The following PTK7 variants were observed in gnomAD, a reference collection of about 807,000 sequenced individuals.
PTK7 encodes the protein protein tyrosine kinase 7 (inactive), also known as inactive tyrosine-protein kinase 7.
In PTK7, 39 loss-of-function variants were observed where a neutral mutation model predicts 116.6. The ratio of observed to expected loss-of-function variants is 0.33; its 90% CI spans 0.26 to 0.44. The LOEUF is 0.44. Among genes scored for constraint, PTK7 ranks in the 20% least tolerant of loss-of-function variants. PTK7 has a pLI of 1.00. For missense variants in PTK7, 1,169 were observed against 1,425.6 expected, an observed-to-expected ratio of 0.82 and a Z score of 2.90; for synonymous variants, 546 against 563.6, an observed-to-expected ratio of 0.97 and a Z score of 0.44.
chr6:43,092,235 G>T (rs1174001555), intron 1 of PTK7, among the ~76,000 whole-genome samples: 1 of 151,804 alleles, frequency 6.6e-6, no homozygotes, highest in Non-Finnish European at 1.5e-5. Flanking sequence ...ATGCAGTGGT[G>T]CAATCATGGC....
In PTK7 at chr6:43,076,510, C is replaced by T. The variant is rs764431504; in HGVS notation, c.22C>T (p.Pro8Ser). 1 of 1,573,192 alleles carries T rather than the reference C, an allele frequency of 6.4e-7. No individual in the cohort carries two copies. Among genetic ancestry groups the T allele is most frequent in the East Asian group, 2.6e-5 (1 of 39,116 alleles). Residue 8 changes from proline (P) to serine (S), a missense_variant, in exon 1 of 20, where the codon CCG (proline) becomes TCG (serine). Transcript: ENST00000230419. This position sits in a 1 kb window ranked among gnomAD's most constrained non-coding sequence, Gnocchi z 5.7. Reference protein sequence around the residue: MGAARGSPARPRRLPLLS... With the variant: MGAARGSSARPRRLPLLS... ...CGCGATGGGAGCTGCGCGGGGATCC[C>T]CGGCCAGACCCCGCCGGTTGCCTCT... is the stretch of plus-strand genomic sequence containing the variant.
Position 43,076,421 on chromosome 6 carries a change from T to A in PTK7, c.-68T>A. 7.5e-7 allele frequency: 1 copy of A among 1,331,432 alleles called. No homozygotes were observed. Among genetic ancestry groups the A allele is most frequent in the Non-Finnish European group, 9.9e-7 (1 of 1,014,504 alleles). The allele number at this position is 1,331,432 out of a possible 1,614,324, so 82.5% of individuals were successfully genotyped here. Reference sequence around the variant, plus strand: ...GCGCTCCGGTGCGCTCCGCCTCCTGTGCCCGCCGCGGAGCGCAGTCTGCGC... The same window carrying A: ...GCGCTCCGGTGCGCTCCGCCTCCTGAGCCCGCCGCGGAGCGCAGTCTGCGC... On this transcript the variant is annotated 5_prime_UTR_variant, in exon 1 of 20. Transcript: ENST00000230419. This position sits in a 1 kb window ranked among gnomAD's most constrained non-coding sequence, Gnocchi z 5.7.
At chr6:43,123,419 T>G (rs1210008168) in intron 1 of PTK7, among the ~76,000 whole-genome samples, 1 of 152,198 alleles carries the variant, frequency 6.6e-6, no homozygotes, top group African/African-American at 2.4e-5. Context: ...ATCCTTGGAT[T>G]GAAGCAGCCA....
At position 43,129,035 on chromosome 6, in the gene PTK7, G is replaced by A; in HGVS notation, c.138G>A (p.Gly46=). ...CGTCCTCCCAGGATGCACTGCAGGG[G>A]CGCCGGGCGCTGCTTCGCTGTGAGG... ...KQPSSQDALQ[G]RRALLRCEVE... Residue 46 remains glycine, a synonymous_variant, in exon 2 of 20, where the codon GGG becomes GGA. Coordinates refer to ENST00000230419, the MANE Select transcript of PTK7 (RefSeq NM_002821.5). The surrounding 1 kb of genome is among the most constrained non-coding windows in gnomAD (Gnocchi z 4.5). 6.2e-7 allele frequency: 1 copy of A among 1,614,126 alleles called. No homozygotes were observed. Among genetic ancestry groups the A allele is most frequent in the Non-Finnish European group, 8.5e-7 (1 of 1,179,992 alleles).
Position 43,139,152 on chromosome 6 carries a change from T to C in PTK7, c.1379T>C (p.Val460Ala), listed in dbSNP as rs748370020. 2.5e-6 allele frequency: 4 copies of C among 1,614,108 alleles called. No individual in the cohort carries two copies. The South Asian group carries it at 4.4e-5, about 18-fold the overall frequency. The change falls in exon 9 of 20, where the codon GTC (valine) becomes GCC (alanine). Residue 460 changes from valine (V) to alanine (A), a missense_variant. Coordinates refer to ENST00000230419, the MANE Select transcript of PTK7 (RefSeq NM_002821.5). The surrounding 1 kb of genome is among the most constrained non-coding windows in gnomAD (Gnocchi z 4.6). ...GTGCTGCAGGACTCACGGTTCGAGG[T>C]CTTCAAGAATGGGACCTTGCGCATC... is the stretch of plus-strand genomic sequence containing the variant. The part of the protein sequence containing the change: ...MLISEDSRFE[V>A]FKNGTLRINS...
chr6:43,138,265 C>A, intron 7 of PTK7, among the ~76,000 whole-genome samples: 1 of 152,106 alleles, frequency 6.6e-6, no homozygotes. Context: ...CCCGCCTCGG[C>A]CTCCCAAAGT....
intron 14 of PTK7, 157 bp from the exon 15 acceptor site, chr6:43,144,294 G>A: frequency 1.2e-6 from 1 of 808,940 alleles, no homozygotes; most frequent in Non-Finnish European, 2.0e-6. Flanking sequence ...CCCAGCCCCA[G>A]CCCCATTATT....
In PTK7 at chr6:43,138,914, G is replaced by A. The variant is rs1770210754; in HGVS notation, c.1294G>A (p.Asp432Asn). Reference protein sequence around the residue: ...QLEEGKPGYLDCLTQATPKPT... With the variant: ...QLEEGKPGYLNCLTQATPKPT... ...GGAGGAGGGCAAACCCGGCTACTTG[G>A]ATTGCCTGACCCAGGCCACACCAAA... is the stretch of plus-strand genomic sequence containing the variant. Residue 432 changes from aspartate (D) to asparagine (N), a missense_variant, in exon 8 of 20, where the codon GAT becomes AAT. By Grantham distance (23) the Asp-to-Asn change is conservative. Coordinates refer to ENST00000230419, the MANE Select transcript of PTK7 (RefSeq NM_002821.5). The A allele has an allele frequency of 1.2e-6, 2 of 1,614,190 alleles. No individual in the cohort carries two copies. Among genetic ancestry groups the A allele is most frequent in the Non-Finnish European group, 1.7e-6 (2 of 1,180,026 alleles).
rs199755737 is a variant in PTK7 at position 43,116,573 on chromosome 6, T to C, written c.80-12404T>C. 6.2e-4 allele frequency among the ~76,000 whole-genome samples: 93 copies of C among 150,120 alleles called. 1 individual carries two copies. In the East Asian group the frequency reaches 0.016, roughly 26 times the overall value. On this transcript the variant is annotated intron_variant, in intron 1 of 19. Coordinates refer to ENST00000230419, the MANE Select transcript of PTK7 (RefSeq NM_002821.5). ...CCTCTAGTGAATTTTTGGGCTTGAG[T>C]GGAGGAGGAAGAAGGCCAGGAAAAG...
chr6:43,121,875 C>T (rs943524522), intron 1 of PTK7, among the ~76,000 whole-genome samples: 15 of 152,208 alleles, frequency 9.9e-5, no homozygotes, highest in African/African-American at 3.4e-4. Flanking sequence ...CATGGTGGCT[C>T]ATGCCTGTAA....
chr6:43,111,266 C>T (rs1768181095), intron 1 of PTK7, among the ~76,000 whole-genome samples: 1 of 152,190 alleles, frequency 6.6e-6, no homozygotes, highest in African/African-American at 2.4e-5. Context: ...AGGGTGGCAC[C>T]TCTTGAACTG....
intron 1 of PTK7, among the ~76,000 whole-genome samples, chr6:43,110,267 G>A (rs1351133955): frequency 1.3e-5 from 2 of 152,064 alleles, no homozygotes; most frequent in Non-Finnish European, 2.9e-5. Flanking sequence ...TGGGATTACA[G>A]GTGTAAGCCA....
chr6:43,113,440 A>G (rs1768305214), intron 1 of PTK7, among the ~76,000 whole-genome samples: 1 of 152,130 alleles, frequency 6.6e-6, no homozygotes, highest in South Asian at 2.1e-4. Context: ...CTCAAAAAAA[A>G]AAAGTGTTTT....
At chr6:43,144,140 A>T (rs1211437016) in intron 14 of PTK7, among the ~76,000 whole-genome samples, 1 of 152,202 alleles carries the variant, frequency 6.6e-6, no homozygotes, top group Non-Finnish European at 1.5e-5. Flanking sequence ...AGGAGGCCCC[A>T]TGAAAGCAAA....
intron 1 of PTK7, among the ~76,000 whole-genome samples, chr6:43,113,896 G>T (rs1351754232): frequency 3.9e-5 from 6 of 152,132 alleles, no homozygotes; most frequent in Admixed American, 3.9e-4. Context: ...TCTGAATCTG[G>T]TGTATATATA....
chr6:43,115,591 A>T (rs748122007), intron 1 of PTK7, among the ~76,000 whole-genome samples: 1 of 152,078 alleles, frequency 6.6e-6, no homozygotes, highest in Non-Finnish European at 1.5e-5. Flanking sequence ...CCAGCCGCAG[A>T]GATGGCTGCG....
intron 14 of PTK7, 149 bp from the exon 15 acceptor site, chr6:43,144,302 A>T (rs1770597272): frequency 1.1e-6 from 1 of 890,326 alleles, no homozygotes; most frequent in Non-Finnish European, 1.7e-6. Flanking sequence ...CAGCCCCATT[A>T]TTTCATCATT....
At chr6:43,095,031 G>T (rs947506177) in intron 1 of PTK7, among the ~76,000 whole-genome samples, 1 of 146,724 alleles carries the variant, frequency 6.8e-6, no homozygotes, top group Non-Finnish European at 1.5e-5. Flanking sequence ...GCTACAGAGC[G>T]AGACTCTGTC....
At chr6:43,085,449 A>G (rs1312349789) in intron 1 of PTK7, among the ~76,000 whole-genome samples, 1 of 151,736 alleles carries the variant, frequency 6.6e-6, no homozygotes, top group Non-Finnish European at 1.5e-5. Flanking sequence ...GAGTTTCACC[A>G]TATTGGTCAG....
Sources: gnomAD v4.1 joint callset for allele counts (sites outside exome capture counted in the v4.1 genomes callset) on GRCh38, gnomAD v4.1.1 for gene constraint, Gnocchi (gnomAD v3.1) non-coding constraint, MANE v1.5 for transcripts, NCBI Gene and HGNC (gene_info 2026-07-23, HGNC 2026-07-21) for gene names.